TAF3: variants seen among roughly 807,000 people sequenced by gnomAD.
TAF3 encodes TATA-box binding protein associated factor 3.
A neutral mutation model predicts 80.6 loss-of-function variants in TAF3; 7 were observed. The observed-to-expected ratio is 0.09, with a 90% CI of 0.05 to 0.16. The LOEUF is 0.16. Among genes scored for constraint, TAF3 ranks in the 10% least tolerant of loss-of-function variants. The pLI is 1.00. For missense variants in TAF3, 921 were observed against 1,140.2 expected (o/e 0.81, Z 2.77); for synonymous variants, 444 against 446.1 (o/e 1.00, Z 0.06).
intron 2 of TAF3, among the ~76,000 whole-genome samples, chr10:7,932,763 G>T (rs900086463): frequency 7.3e-6 from 1 of 136,598 alleles, no homozygotes; most frequent in South Asian, 2.3e-4. Flanking sequence ...CTACAGCCTC[G>T]ACCTCTCAGG....
chr10:7,996,488 AC>A (rs1831888566), intron 4 of TAF3, among the ~76,000 whole-genome samples: 1 of 152,218 alleles, frequency 6.6e-6, no homozygotes, highest in Non-Finnish European at 1.5e-5. Flanking sequence ...CAACCACCAC[AC>A]TTGGGCTTAG....
chr10:7,871,328 A>G (rs747540272), intron 2 of TAF3, among the ~76,000 whole-genome samples: 14 of 152,000 alleles, frequency 9.2e-5, no homozygotes, highest in Non-Finnish European at 1.6e-4. Flanking sequence ...CTAAAACCAG[A>G]TATTCTTACA....
At chr10:7,903,947 C>T (rs553007539) in intron 2 of TAF3, among the ~76,000 whole-genome samples, 3 of 151,888 alleles carry the variant, frequency 2.0e-5, no homozygotes, top group Admixed American at 6.6e-5. Flanking sequence ...GAATATTTTA[C>T]GGTATTGTAG....
chr10:7,981,723 C>T (rs1379580858), intron 4 of TAF3, among the ~76,000 whole-genome samples: 1 of 152,154 alleles, frequency 6.6e-6, no homozygotes, highest in African/African-American at 2.4e-5. Flanking sequence ...CATCATCAGC[C>T]CTCGTCCTAA....
At chr10:8,005,072 G>A (rs1831979104) in intron 4 of TAF3, among the ~76,000 whole-genome samples, 2 of 152,050 alleles carry the variant, frequency 1.3e-5, no homozygotes, top group African/African-American at 2.4e-5. Context: ...ATTTCTAGAA[G>A]GTCTGTTTGG....
intron 3 of TAF3, among the ~76,000 whole-genome samples, chr10:7,970,792 T>C (rs1255881370): frequency 6.6e-6 from 1 of 152,228 alleles, no homozygotes; most frequent in African/African-American, 2.4e-5. Flanking sequence ...TTTATTAAAT[T>C]TAAACGGTTT....
At chr10:7,851,341 G>A (rs1000809734) in intron 2 of TAF3, among the ~76,000 whole-genome samples, 1 of 152,132 alleles carries the variant, frequency 6.6e-6, no homozygotes, top group Admixed American at 6.5e-5. Flanking sequence ...GCGGTGTTTG[G>A]GCACAGTGTG....
intron 2 of TAF3, among the ~76,000 whole-genome samples, chr10:7,954,905 A>G (rs572281671): frequency 7.1e-6 from 1 of 140,944 alleles, no homozygotes; most frequent in Non-Finnish European, 1.6e-5. Flanking sequence ...AGAGCTCTCC[A>G]TAGTGAGATT....
chr10:7,942,814 C>T (rs747012658), intron 2 of TAF3, among the ~76,000 whole-genome samples: 1 of 152,028 alleles, frequency 6.6e-6, no homozygotes, highest in Non-Finnish European at 1.5e-5. Flanking sequence ...TTTTTTTTGT[C>T]GTTTTTGGGC....
chr10:7,830,726 C>T (rs573082953), intron 2 of TAF3, among the ~76,000 whole-genome samples: 3 of 152,176 alleles, frequency 2.0e-5, no homozygotes, highest in East Asian at 1.9e-4. Flanking sequence ...TCAAGTGATC[C>T]GCCAGCCTCG....
chr10:7,987,374 C>T (rs1016037579), intron 4 of TAF3, among the ~76,000 whole-genome samples: 1 of 152,044 alleles, frequency 6.6e-6, no homozygotes, highest in African/African-American at 2.4e-5. Flanking sequence ...AGCAGCTTAT[C>T]CCCTCCCCTC....
chr10:7,910,125 G>A (rs888897670), intron 2 of TAF3, among the ~76,000 whole-genome samples: 2 of 152,068 alleles, frequency 1.3e-5, no homozygotes, highest in African/African-American at 4.8e-5. Flanking sequence ...GCAGTTGGTT[G>A]AGTCCAAGGA....
intron 2 of TAF3, chr10:7,833,799 TG>T: frequency 2.6e-6 from 1 of 383,334 alleles, no homozygotes; most frequent in South Asian, 7.1e-5. Context: ...TCCTGTCAGC[TG>T]GGTGGCCAAT....
At chr10:7,884,402 T>TTTTTTTTTTTTC (rs1837389173) in intron 2 of TAF3, among the ~76,000 whole-genome samples, 1 of 150,106 alleles carries the variant, frequency 6.7e-6, no homozygotes, top group African/African-American at 2.4e-5. Context: ...CTTTTTTTTT[T>TTTTTTTTTTTTC]TGAGATGGAG....
At chr10:7,941,827 T>G (rs1377878639) in intron 2 of TAF3, among the ~76,000 whole-genome samples, 2 of 152,194 alleles carry the variant, frequency 1.3e-5, no homozygotes, top group African/African-American at 4.8e-5. Flanking sequence ...CTGGAGCATG[T>G]GTGTCAGCAA....
At chr10:7,871,900 A>C (rs941665097) in intron 2 of TAF3, among the ~76,000 whole-genome samples, 3 of 152,232 alleles carry the variant, frequency 2.0e-5, no homozygotes, top group Non-Finnish European at 4.4e-5. Flanking sequence ...ATATTTGTTC[A>C]TCACTTAAAA....
chr10:7,873,617 T>TC (rs76357762), intron 2 of TAF3, among the ~76,000 whole-genome samples: 5,632 of 92,518 alleles, frequency 0.061, 564 homozygotes, highest in East Asian at 0.08. Flanking sequence ...ATCCGAGTTC[T>TC]CCCCCCCCCC....
chr10:7,830,473 C>CTTTTTTTTTTTTTTTTT (rs1176707860), intron 2 of TAF3, among the ~76,000 whole-genome samples: 2 of 57,724 alleles, frequency 3.5e-5, no homozygotes, highest in African/African-American at 6.7e-5. Flanking sequence ...CTTTACATGT[C>CTTTTTTTTTTTTTTTTT]TTTTTTTTTT....
In TAF3 at chr10:7,965,662, A is replaced by AAGAAGG. The variant is rs746492900; in HGVS notation, c.2160_2165dup (p.Lys721_Glu722dup). 6.3e-7 allele frequency: 1 copy of AAGAAGG among 1,594,992 alleles called. No homozygotes were observed. The highest frequency in any genetic ancestry group is 1.2e-5 in the South Asian group (1 of 86,528). On this transcript the variant is annotated inframe_insertion, in exon 3 of 7. Transcript: ENST00000344293. ...GAAAAAGAAGGAAAAAGAGAAGGAG[A>AAGAAGG]AGAAGGAGAAGGAAAGAGAGAAAGA...
Sources: gnomAD v4.1 joint callset for allele counts (sites outside exome capture counted in the v4.1 genomes callset) on GRCh38, gnomAD v4.1.1 for gene constraint, MANE v1.5 for transcripts, NCBI Gene and HGNC (gene_info 2026-07-23, HGNC 2026-07-21) for gene names.